Variants in TAF1C observed in about 807,000 individuals in gnomAD.
The protein encoded by TAF1C is TATA box-binding protein-associated factor RNA polymerase I subunit C.
A neutral mutation model predicts 70.5 loss-of-function variants in TAF1C; 79 were observed. That is an observed-to-expected ratio of 1.12 (90% confidence interval 0.93 to 1.35). The LOEUF is 1.35. Ranked by LOEUF, TAF1C falls within the 40% of genes most tolerant of loss-of-function variation. The probability of loss-of-function intolerance (pLI) is 0.00; values close to 1 mark genes in which losing one functional copy is unlikely to be tolerated. For synonymous variants in TAF1C, 614 were observed against 491.1 expected (o/e 1.25, Z -3.31); for missense variants, 1,412 against 1,127.8 (o/e 1.25, Z -3.61).
chr16:84,184,333 G>A (rs1291467667), intron 2 of TAF1C, among the ~76,000 whole-genome samples: 1 of 152,100 alleles, frequency 6.6e-6, no homozygotes, highest in Non-Finnish European at 1.5e-5. Flanking sequence ...CTTTTTATTT[G>A]CTCACCCACT....
Position 84,177,869 on chromosome 16 carries a change from G to A in TAF1C, c.*1072C>T, listed in dbSNP as rs756393540. 1 of 1,576,434 alleles carries A rather than the reference G, an allele frequency of 6.3e-7. No homozygotes were observed. The highest frequency in any genetic ancestry group is 1.3e-5 in the African/African-American group (1 of 74,176). ...TTCCCCAGTTATATGTAGCATAAAT[G>A]GTTTAATCATAAATGTCTCCCTTAG... On this transcript the variant is annotated 3_prime_UTR_variant, in exon 15 of 15. Coordinates refer to ENST00000566732, the MANE Select transcript of TAF1C (RefSeq NM_001243156.2).
rs1185254743 is a variant in TAF1C, at chr16:84,178,638, T to G, written c.*303A>C. 1 of 461,954 alleles carries G rather than the reference T, an allele frequency of 2.2e-6. No individual in the cohort carries two copies. Among genetic ancestry groups the G allele is most frequent in the African/African-American group, 2.0e-5 (1 of 50,610 alleles). 28.6% of individuals were successfully genotyped at this position (461,954 alleles called of 1,614,324 possible). A position where few individuals can be genotyped will look rare whatever the true frequency, so the allele number is the denominator to read the frequency against. On this transcript the variant is annotated 3_prime_UTR_variant, in exon 15 of 15. Coordinates refer to ENST00000566732, the MANE Select transcript of TAF1C (RefSeq NM_001243156.2). ...GGGACCTGCCTGAGGCCCCCACAGCTGAGGCGCAGCGGAGCCCTGCCTCCC... is the reference window on the plus strand; with the variant it reads ...GGGACCTGCCTGAGGCCCCCACAGCGGAGGCGCAGCGGAGCCCTGCCTCCC...
At position 84,180,239 on chromosome 16, in the gene TAF1C, G is replaced by T; in HGVS notation, c.1414C>A (p.Arg472=). ...LLLARLLPPP[R]PSCVQPLLLG... is the part of the protein sequence containing the mutation. ...AGCAGGGGCTGCACGCAGCTGGGCCGGGGCGGAGGCAGCAGTCGGGCCAGC... is the reference window on the plus strand; with the variant it reads ...AGCAGGGGCTGCACGCAGCTGGGCCTGGGCGGAGGCAGCAGTCGGGCCAGC... Residue 472 remains arginine (R), a synonymous_variant, in exon 13 of 15, where the codon CGG becomes AGG. Transcript: ENST00000566732. The T allele has an allele frequency of 1.3e-6, 2 of 1,539,946 alleles. No individual in the cohort carries two copies. The highest frequency in any genetic ancestry group is 1.2e-5 in the South Asian group (1 of 83,446).
chr16:84,182,728 A>C lies in TAF1C; in HGVS notation c.483-288T>G, dbSNP rs985340195. Among the ~76,000 whole-genome samples, 1 of 152,182 alleles carries C rather than the reference A, an allele frequency of 6.6e-6. No individual in the cohort carries two copies. Among genetic ancestry groups the C allele is most frequent in the African/African-American group, 2.4e-5 (1 of 41,444 alleles). ...TGGGACTTCTGGTGCCGCAGGAAGG[A>C]CACTGGCTCTTTCCTTAGATCATAA... On this transcript the variant is annotated intron_variant, in intron 6 of 14. Coordinates refer to ENST00000566732, the MANE Select transcript of TAF1C (RefSeq NM_001243156.2). This position sits in a 1 kb window ranked among gnomAD's most constrained non-coding sequence, Gnocchi z 5.0.
intron 2 of TAF1C, among the ~76,000 whole-genome samples, chr16:84,184,540 C>G (rs2089379092): frequency 6.6e-6 from 1 of 152,208 alleles, no homozygotes; most frequent in Non-Finnish European, 1.5e-5. Flanking sequence ...TTGTAAACAC[C>G]TTATCCATTG....
In TAF1C at chr16:84,184,957, AATGCAGGGC is replaced by A; in HGVS notation, c.23_31del (p.Arg8_Ala10del). 1 of 1,613,904 alleles carries A rather than the reference AATGCAGGGC, an allele frequency of 6.2e-7. No individual in the cohort carries two copies. Among genetic ancestry groups the A allele is most frequent in the Non-Finnish European group, 8.5e-7 (1 of 1,179,936 alleles). On this transcript the variant is annotated inframe_deletion, in exon 2 of 15. Transcript: ENST00000566732. ...CAGACCAAGGGGGCCGGTCAGAAAC[AATGCAGGGC>A]GGAGGGAGCTGGGGAAGTCCATCCT...
Position 84,179,440 on chromosome 16 carries a change from T to C in TAF1C, c.2033A>G (p.Glu678Gly), listed in dbSNP as rs573903867. ...QRDLGSLPAAEPPPAPESGLE... is the reference protein window; with the variant it reads ...QRDLGSLPAAGPPPAPESGLE... ...GCCTGACTCGGGTGCAGGGGGTGGC[T>C]CTGCCGCAGGGAGGGAGCCCAGGTC... Residue 678 changes from glutamate to glycine, a missense_variant, in exon 15 of 15, where the codon GAG becomes GGG. Coordinates refer to ENST00000566732, the MANE Select transcript of TAF1C (RefSeq NM_001243156.2). 9 of 1,596,928 alleles carry C rather than the reference T, an allele frequency of 5.6e-6. No individual in the cohort carries two copies. In the South Asian group the frequency reaches 9.9e-5, roughly 18 times the overall value.
In TAF1C at chr16:84,179,261, C is replaced by A; in HGVS notation, c.2212G>T (p.Gly738Cys). 6.3e-7 allele frequency: 1 copy of A among 1,585,696 alleles called. No homozygotes were observed. Among genetic ancestry groups the A allele is most frequent in the Non-Finnish European group, 8.5e-7 (1 of 1,172,136 alleles). The change falls in exon 15 of 15, where the codon GGC (glycine) becomes TGC (cysteine). Residue 738 changes from glycine (G) to cysteine (C), a missense_variant. By Grantham distance (159) the Gly-to-Cys change is radical. Transcript: ENST00000566732. The stretch of plus-strand genomic sequence containing the variant: ...GTGTCCTCTGAGGGATCCACATGGC[C>A]ACTGAGCGAAAAGCTGCTGGACAGC... ...TQLSSSFSLS[G>C]HVDPSEDTSS...
intron 12 of TAF1C, chr16:84,180,808 C>A: frequency 7.3e-7 from 1 of 1,364,198 alleles, no homozygotes; most frequent in African/African-American, 1.5e-5. Flanking sequence ...CCCTGCTCCA[C>A]CCCTGGCTGC....
At chr16:84,184,231 CT>C (rs1287609877) in intron 2 of TAF1C, among the ~76,000 whole-genome samples, 1 of 152,218 alleles carries the variant, frequency 6.6e-6, no homozygotes, top group African/African-American at 2.4e-5. Context: ...GGAAACCAGA[CT>C]CCCAGAGGAG....
chr16:84,180,959 G>A (rs2089142890), intron 12 of TAF1C, 84 bp downstream of exon 12: 2 of 1,488,436 alleles, frequency 1.3e-6, no homozygotes, highest in East Asian at 4.9e-5. Flanking sequence ...TCTGGGCCCA[G>A]CAGAGCCGCT....
rs1204290408 is a variant in TAF1C, at chr16:84,178,971, G to C, written c.2502C>G (p.Pro834=). 1.2e-6 allele frequency: 2 copies of C among 1,610,626 alleles called. No homozygotes were observed. Among genetic ancestry groups the C allele is most frequent in the East Asian group, 2.2e-5 (1 of 44,876 alleles). Residue 834 remains proline (P), a synonymous_variant, in exon 15 of 15, where the codon CCC becomes CCG. Coordinates refer to ENST00000566732, the MANE Select transcript of TAF1C (RefSeq NM_001243156.2). ...QHTPVLSSSQ[P]LRKKPRMGF ...AGCCCATTCGAGGCTTCTTCCGGAG[G>C]GGCTGAGAGCTAGAGAGGACGGGTG...
In TAF1C at chr16:84,178,445, C is replaced by T. The variant is rs1447071875; in HGVS notation, c.*496G>A. 1.5e-5 allele frequency: 7 copies of T among 458,328 alleles called. No homozygotes were observed. The highest frequency in any genetic ancestry group is 2.6e-5 in the Non-Finnish European group (6 of 228,474). 28.4% of individuals were successfully genotyped at this position (458,328 alleles called of 1,614,324 possible). On this transcript the variant is annotated 3_prime_UTR_variant, in exon 15 of 15. Transcript: ENST00000566732. Reference sequence around the variant, plus strand: ...ATCCAAGGCATCTCCCTGTAGGAAACATCAGACCGGGGCAGAGATTGACAA... The same window carrying T: ...ATCCAAGGCATCTCCCTGTAGGAAATATCAGACCGGGGCAGAGATTGACAA...
chr16:84,180,661 G>A (rs2089115939), intron 12 of TAF1C: 1 of 704,294 alleles, frequency 1.4e-6, no homozygotes, highest in South Asian at 2.5e-5. Flanking sequence ...TGACCCGGGA[G>A]CCTGTGCTCG....
Position 84,177,856 on chromosome 16 carries a change from A to G in TAF1C, c.*1085T>C. On this transcript the variant is annotated 3_prime_UTR_variant, in exon 15 of 15. Transcript: ENST00000566732. ...AAGCATCATAGTTTTCCCCAGTTAT[A>G]TGTAGCATAAATGGTTTAATCATAA... 6.3e-7 allele frequency: 1 copy of G among 1,593,824 alleles called. No individual in the cohort carries two copies. The highest frequency in any genetic ancestry group is 1.1e-5 in the South Asian group (1 of 90,672).
At position 84,181,354 on chromosome 16, in the gene TAF1C, T is replaced by C; in HGVS notation, c.1138A>G (p.Thr380Ala). Residue 380 changes from threonine to alanine, a missense_variant, in exon 11 of 15, where the codon ACC (threonine) becomes GCC (alanine). Thr to Ala is a moderately conservative substitution (Grantham distance 58). Transcript: ENST00000566732. ...HPRVLTVGDR[T>A]GVKMLDTQGP... ...TGAGTGTCCAGCATCTTCACTCCGG[T>C]GCGGTCACCCACGGTCAGCACCCGA... 1 of 1,613,696 alleles carries C rather than the reference T, an allele frequency of 6.2e-7. No individual in the cohort carries two copies. Among genetic ancestry groups the C allele is most frequent in the Non-Finnish European group, 8.5e-7 (1 of 1,179,964 alleles).
Position 84,180,242 on chromosome 16 carries a change from G to T in TAF1C, c.1411C>A (p.Pro471Thr). Reference protein sequence around the residue: ...PLLLARLLPPPRPSCVQPLLL... With the variant: ...PLLLARLLPPTRPSCVQPLLL... Reference sequence around the variant, plus strand: ...AGGGGCTGCACGCAGCTGGGCCGGGGCGGAGGCAGCAGTCGGGCCAGCAGG... The same window carrying T: ...AGGGGCTGCACGCAGCTGGGCCGGGTCGGAGGCAGCAGTCGGGCCAGCAGG... Residue 471 changes from proline (P) to threonine (T), a missense_variant, in exon 13 of 15, where the codon CCC (proline) becomes ACC (threonine). By Grantham distance (38) the Pro-to-Thr change is conservative. Coordinates refer to ENST00000566732, the MANE Select transcript of TAF1C (RefSeq NM_001243156.2). The T allele has an allele frequency of 6.5e-7, 1 of 1,541,420 alleles. No individual in the cohort carries two copies.
chr16:84,181,234 G>A (rs201687882), intron 11 of TAF1C, 48 bp from the exon 12 acceptor site: 6 of 1,594,014 alleles, frequency 3.8e-6, no homozygotes, highest in Non-Finnish European at 5.1e-6. Flanking sequence ...CCAGGCCGGT[G>A]ACGCTGTCCT....
chr16:84,180,161 G>A lies in TAF1C; in HGVS notation c.1483+9C>T, dbSNP rs1172769817. ...CCCACACGCCGCCCACCCTGGCCTG[G>A]ACCCTCACCTGCCAGGTGCAGCAGC... is the stretch of plus-strand genomic sequence containing the variant. On this transcript the variant is annotated intron_variant, in intron 13 of 14. Transcript: ENST00000566732. 6.4e-7 allele frequency: 1 copy of A among 1,559,096 alleles called. No individual in the cohort carries two copies. The highest frequency in any genetic ancestry group is 2.1e-5 in the Admixed American group (1 of 47,168).
Sources: gnomAD v4.1 joint callset for allele counts (sites outside exome capture counted in the v4.1 genomes callset) on GRCh38, gnomAD v4.1.1 for gene constraint, Gnocchi (gnomAD v3.1) non-coding constraint, MANE v1.5 for transcripts, NCBI Gene and HGNC (gene_info 2026-07-23, HGNC 2026-07-21) for gene names.